LRRTM3: variants seen among roughly 807,000 people sequenced by gnomAD.
The protein encoded by LRRTM3 is leucine-rich repeat transmembrane neuronal protein 3.
In LRRTM3, 24 loss-of-function variants were observed where a neutral mutation model predicts 44.7. The observed-to-expected ratio is 0.54, with a 90% CI of 0.39 to 0.76. The LOEUF is 0.76. LRRTM3 is among the 30% of genes least tolerant of loss of function. The pLI, the probability that LRRTM3 is intolerant of heterozygous loss-of-function variation, is 0.00. For missense variants in LRRTM3, 587 were observed against 702.2 expected, an observed-to-expected ratio of 0.84 and a Z score of 1.85; for synonymous variants, 277 against 278.7, an observed-to-expected ratio of 0.99 and a Z score of 0.06.
Position 67,097,706 on chromosome 10 carries a change from T to TA in LRRTM3, c.1657dup (p.Thr553AsnfsTer9). 6 of 1,612,708 alleles carry TA rather than the reference T, an allele frequency of 3.7e-6. No homozygotes were observed. Among genetic ancestry groups the TA allele is most frequent in the Non-Finnish European group, 5.1e-6 (6 of 1,179,056 alleles). Reference sequence around the variant, plus strand: ...CCTTTGAAACGAATGCACAGGAAGATACGATGGAAACACACCTAGAGACTG... The same window carrying TA: ...CCTTTGAAACGAATGCACAGGAAGATAACGATGGAAACACACCTAGAGACTG... On this transcript the variant is annotated frameshift_variant, in exon 3 of 3. Coordinates refer to ENST00000361320, the MANE Select transcript of LRRTM3 (RefSeq NM_178011.5). LOFTEE classifies it high-confidence loss of function.
intron 2 of LRRTM3, among the ~76,000 whole-genome samples, chr10:67,009,777 C>G (rs927700126): frequency 6.6e-6 from 1 of 152,106 alleles, no homozygotes; most frequent in African/African-American, 2.4e-5. Context: ...CCTCTGTCAC[C>G]AAATCTCTTA....
At chr10:66,983,697 A>C (rs1483072621) in intron 2 of LRRTM3, among the ~76,000 whole-genome samples, 3 of 152,194 alleles carry the variant, frequency 2.0e-5, no homozygotes, top group African/African-American at 7.2e-5. Context: ...AGGCATAGAT[A>C]GTTTAGTCTT....
chr10:67,043,625 AT>A (rs917537687), intron 2 of LRRTM3, among the ~76,000 whole-genome samples: 50 of 151,732 alleles, frequency 3.3e-4, no homozygotes, highest in Middle Eastern at 3.4e-3. Flanking sequence ...ATTAACAATG[AT>A]TTTTTTTTAA....
At chr10:67,011,218 G>A (rs1404217298) in intron 2 of LRRTM3, among the ~76,000 whole-genome samples, 1 of 151,842 alleles carries the variant, frequency 6.6e-6, no homozygotes, top group African/African-American at 2.4e-5. Flanking sequence ...GTATGTGACT[G>A]TAGTCCCAGC....
At chr10:66,960,919 GT>G (rs1449221595) in intron 2 of LRRTM3, among the ~76,000 whole-genome samples, 1 of 152,070 alleles carries the variant, frequency 6.6e-6, no homozygotes, top group African/African-American at 2.4e-5. Context: ...TGGTTCTTAA[GT>G]TTTTTTGCTA....
chr10:66,987,457 G>A (rs550137520), intron 2 of LRRTM3, among the ~76,000 whole-genome samples: 3 of 152,242 alleles, frequency 2.0e-5, no homozygotes, highest in African/African-American at 7.2e-5. Context: ...GCTGAGGCTT[G>A]GGGTCTTAGC....
chr10:66,962,577 T>A (rs549179419), intron 2 of LRRTM3, among the ~76,000 whole-genome samples: 1 of 151,708 alleles, frequency 6.6e-6, no homozygotes, highest in East Asian at 2.0e-4. Flanking sequence ...ACCCAGATAA[T>A]TTTTTTTCTA....
intron 2 of LRRTM3, among the ~76,000 whole-genome samples, chr10:67,073,134 A>C (rs1856556834): frequency 6.6e-6 from 1 of 152,318 alleles, no homozygotes; most frequent in Admixed American, 6.5e-5. Flanking sequence ...TTCCCTTCTG[A>C]AATTTTAGTT....
At chr10:66,950,055 C>T (rs947072155) in intron 2 of LRRTM3, among the ~76,000 whole-genome samples, 1 of 152,148 alleles carries the variant, frequency 6.6e-6, no homozygotes, top group East Asian at 1.9e-4. Context: ...CCAATATGCT[C>T]CAACAAAACC....
intron 2 of LRRTM3, among the ~76,000 whole-genome samples, chr10:67,033,036 C>T (rs1453455804): frequency 6.6e-6 from 1 of 152,092 alleles, no homozygotes; most frequent in African/African-American, 2.4e-5. Flanking sequence ...TTACCAATGC[C>T]TAAAGGAACA....
intron 2 of LRRTM3, among the ~76,000 whole-genome samples, chr10:67,035,457 T>C (rs1437543533): frequency 3.3e-5 from 5 of 151,312 alleles, no homozygotes; most frequent in Non-Finnish European, 7.4e-5. Flanking sequence ...GATGTTGGTA[T>C]TTTTTTTTAA....
At chr10:67,088,620 T>A (rs1321994090) in intron 2 of LRRTM3, among the ~76,000 whole-genome samples, 1 of 152,072 alleles carries the variant, frequency 6.6e-6, no homozygotes, top group Non-Finnish European at 1.5e-5. Context: ...TAAATGCATT[T>A]TGATGCAAGG....
At chr10:67,039,360 A>T (rs1266502447) in intron 2 of LRRTM3, among the ~76,000 whole-genome samples, 1 of 152,172 alleles carries the variant, frequency 6.6e-6, no homozygotes, top group Admixed American at 6.5e-5. Context: ...TTTTTTCTGG[A>T]GACAAACATT....
intron 2 of LRRTM3, among the ~76,000 whole-genome samples, chr10:66,971,685 G>T (rs1400762538): frequency 6.6e-6 from 1 of 152,208 alleles, no homozygotes; most frequent in East Asian, 1.9e-4. Context: ...GTAAGAACAG[G>T]TAAGGGTATA....
At chr10:66,961,717 C>T (rs1034205674) in intron 2 of LRRTM3, among the ~76,000 whole-genome samples, 2 of 152,100 alleles carry the variant, frequency 1.3e-5, no homozygotes, top group African/African-American at 4.8e-5. Context: ...ACAATATTTG[C>T]ATATATTAAG....
At chr10:67,026,050 T>C (rs1012373421) in intron 2 of LRRTM3, among the ~76,000 whole-genome samples, 22 of 148,548 alleles carry the variant, frequency 1.5e-4, no homozygotes, top group Admixed American at 3.4e-4. Context: ...TAGATGGGAA[T>C]TGAACAATGA....
chr10:67,077,644 G>A (rs1856806926), intron 2 of LRRTM3, among the ~76,000 whole-genome samples: 1 of 152,142 alleles, frequency 6.6e-6, no homozygotes, highest in Admixed American at 6.5e-5. Flanking sequence ...CTGGTTCCCT[G>A]TATTTTTCCT....
intron 2 of LRRTM3, among the ~76,000 whole-genome samples, chr10:67,090,260 C>A (rs1254514902): frequency 1.3e-5 from 2 of 152,076 alleles, no homozygotes; most frequent in African/African-American, 4.8e-5. Context: ...AAGCAGAGAA[C>A]TCTGATTTTG....
chr10:67,043,837 C>CTT lies in LRRTM3; in HGVS notation c.1537-53743_1537-53742dup, dbSNP rs563288254. Among the ~76,000 whole-genome samples, 619 of 151,904 alleles carry CTT rather than the reference C, an allele frequency of 4.1e-3. 4 individuals carry two copies. Among genetic ancestry groups the CTT allele is most frequent in the African/African-American group, 0.014 (589 of 41,434 alleles). On this transcript the variant is annotated intron_variant, in intron 2 of 2. Coordinates refer to ENST00000361320, the MANE Select transcript of LRRTM3 (RefSeq NM_178011.5). The stretch of plus-strand genomic sequence containing the variant: ...GATAATTATGATACAGTGAGGACTA[C>CTT]TTTTTTTTCTGTTTACTTCTATATG...
Sources: gnomAD v4.1 joint callset for allele counts (sites outside exome capture counted in the v4.1 genomes callset) on GRCh38, gnomAD v4.1.1 for gene constraint, MANE v1.5 for transcripts, NCBI Gene and HGNC (gene_info 2026-07-23, HGNC 2026-07-21) for gene names.